The following TSHZ3 variants were observed in gnomAD, a reference collection of about 807,000 sequenced individuals.
TSHZ3 encodes teashirt homolog 3.
A neutral mutation model predicts 64.5 loss-of-function variants in TSHZ3; 10 were observed. The observed-to-expected ratio is 0.16, with a 90% CI of 0.10 to 0.26. TSHZ3 has a LOEUF of 0.26. Ranked by LOEUF, TSHZ3 falls within the 10% of genes least tolerant of loss-of-function variation. The probability of loss-of-function intolerance (pLI) is 1.00; values close to 1 mark genes in which losing one functional copy is unlikely to be tolerated. For synonymous variants in TSHZ3, 608 were observed against 593.1 expected (o/e 1.03, Z -0.36); for missense variants, 1,242 against 1,421.7 (o/e 0.87, Z 2.03).
chr19:31,312,553 G>T (rs955633275), intron 1 of TSHZ3, among the ~76,000 whole-genome samples: 5 of 152,148 alleles, frequency 3.3e-5, no homozygotes, highest in Admixed American at 3.3e-4. Flanking sequence ...CTTTAGAAAA[G>T]ACACTTTCCT....
chr19:31,330,785 G>T (rs1186597863), intron 1 of TSHZ3, among the ~76,000 whole-genome samples: 2 of 152,104 alleles, frequency 1.3e-5, no homozygotes, highest in Admixed American at 6.5e-5. Context: ...ACCCCAGACG[G>T]AGGTGTCAGG....
intron 1 of TSHZ3, among the ~76,000 whole-genome samples, chr19:31,301,331 T>A (rs1976753770): frequency 6.6e-6 from 1 of 152,174 alleles, no homozygotes; most frequent in African/African-American, 2.4e-5. Flanking sequence ...TTGGTTTTCT[T>A]CCTGTTGGTG....
chr19:31,335,492 G>A (rs1380124168), intron 1 of TSHZ3, among the ~76,000 whole-genome samples: 1 of 152,184 alleles, frequency 6.6e-6, no homozygotes, highest in Non-Finnish European at 1.5e-5. Context: ...CCCCGTTGTT[G>A]GTCTAGAACA....
At chr19:31,191,553 T>TG (rs1280855936) in intron 5 of TSHZ3, among the ~76,000 whole-genome samples, 1 of 152,146 alleles carries the variant, frequency 6.6e-6, no homozygotes, top group Non-Finnish European at 1.5e-5. Context: ...TTAGTCCACA[T>TG]GACAGAAGGA....
intron 3 of TSHZ3, among the ~76,000 whole-genome samples, chr19:31,234,728 G>T (rs991027414): frequency 6.6e-6 from 1 of 152,148 alleles, no homozygotes; most frequent in African/African-American, 2.4e-5. Context: ...ATACTGAGAT[G>T]CAGTCTTCAT....
chr19:31,298,352 G>T (rs949316350), intron 1 of TSHZ3, among the ~76,000 whole-genome samples: 1 of 152,144 alleles, frequency 6.6e-6, no homozygotes, highest in African/African-American at 2.4e-5. Flanking sequence ...ATACAGAGCA[G>T]AGGGAGGGCT....
chr19:31,295,372 C>T (rs188402543), intron 1 of TSHZ3, among the ~76,000 whole-genome samples: 9 of 152,330 alleles, frequency 5.9e-5, no homozygotes, highest in East Asian at 3.8e-4. Context: ...CTTTGATACG[C>T]TATTCACAAC....
At chr19:31,299,926 A>T (rs1976725382) in intron 1 of TSHZ3, among the ~76,000 whole-genome samples, 1 of 152,216 alleles carries the variant, frequency 6.6e-6, no homozygotes, top group Non-Finnish European at 1.5e-5. Context: ...CCTTTCCTTT[A>T]CACGCACCCT....
intron 1 of TSHZ3, among the ~76,000 whole-genome samples, chr19:31,255,565 C>T (rs1403273139): frequency 1.3e-5 from 2 of 152,084 alleles, no homozygotes; most frequent in Admixed American, 6.6e-5. Context: ...GAGCTCCCTT[C>T]CCATTCAAAG....
At chr19:31,204,219 T>TCTTCCTTCCTTCTTCAATCCCTTC (rs1975129533) in intron 5 of TSHZ3, among the ~76,000 whole-genome samples, 1 of 151,716 alleles carries the variant, frequency 6.6e-6, no homozygotes, top group Non-Finnish European at 1.5e-5. Flanking sequence ...CATCTCCCTT[T>TCTTCCTTCCTTCTTCAATCCCTTC]CTTCCTTCCT....
Position 31,214,507 on chromosome 19 carries a change from G to A in TSHZ3, n.687-9429C>T, listed in dbSNP as rs1975300350. Among the ~76,000 whole-genome samples, 2 of 152,182 alleles carry A rather than the reference G, an allele frequency of 1.3e-5. 1 individual carries two copies. On this transcript the variant is annotated intron_variant and non_coding_transcript_variant, in intron 4 of 6. Transcript: ENST00000651361. ...GATTCTTGAGTTTTATTCAGCTCAG[G>A]GAAAGACTGCATTCATACCTGGATA... is the stretch of plus-strand genomic sequence containing the variant.
At chr19:31,185,211 C>T (rs1014027283) in intron 5 of TSHZ3, among the ~76,000 whole-genome samples, 1 of 152,192 alleles carries the variant, frequency 6.6e-6, no homozygotes, top group East Asian at 1.9e-4. Flanking sequence ...TAAGCATCTC[C>T]AGACTCCTTT....
intron 1 of TSHZ3, among the ~76,000 whole-genome samples, chr19:31,343,844 G>C (rs1203590616): frequency 2.6e-5 from 4 of 151,266 alleles, no homozygotes; most frequent in Admixed American, 2.6e-4. Flanking sequence ...ATTGTTTAGT[G>C]GGATTTAAAA....
chr19:31,310,383 AT>A lies in TSHZ3; in HGVS notation c.41-30632del, dbSNP rs1278521819. Reference sequence around the variant, plus strand: ...AGGGTTTGGGGGCCATTCCACATGCATTTCCTTTTCTTTTTGGTGCAGCACC... The same window carrying A: ...AGGGTTTGGGGGCCATTCCACATGCATTCCTTTTCTTTTTGGTGCAGCACC... On this transcript the variant is annotated intron_variant, in intron 1 of 1. Coordinates refer to ENST00000240587, the MANE Select transcript of TSHZ3 (RefSeq NM_020856.4). Among the ~76,000 whole-genome samples, 8 of 152,148 alleles carry A rather than the reference AT, an allele frequency of 5.3e-5. No individual in the cohort carries two copies. In the East Asian group the frequency reaches 1.5e-3, roughly 29 times the overall value.
chr19:31,157,686 G>A (rs1271046726), intron 5 of TSHZ3, among the ~76,000 whole-genome samples: 1 of 152,210 alleles, frequency 6.6e-6, no homozygotes, highest in African/African-American at 2.4e-5. Flanking sequence ...TGGCACAGAT[G>A]GGCTGGAAGG....
chr19:31,183,228 T>TGC, intron 5 of TSHZ3, among the ~76,000 whole-genome samples: 1 of 12,574 alleles, frequency 8.0e-5, no homozygotes, highest in East Asian at 2.2e-3. Context: ...CTCTCTCTCT[T>TGC]TCTCTCTCTC....
intron 1 of TSHZ3, among the ~76,000 whole-genome samples, chr19:31,254,706 A>G (rs1428409813): frequency 6.6e-6 from 1 of 152,218 alleles, no homozygotes. Context: ...TGTGATCCAC[A>G]TGGGCTGAGT....
intron 5 of TSHZ3, among the ~76,000 whole-genome samples, chr19:31,196,009 A>G (rs1280360508): frequency 6.6e-6 from 1 of 151,984 alleles, no homozygotes; most frequent in African/African-American, 2.4e-5. Flanking sequence ...TCTAACCTAC[A>G]ATTCTGTACA....
chr19:31,250,888 T>C (rs1975830974), intron 1 of TSHZ3, among the ~76,000 whole-genome samples: 1 of 152,186 alleles, frequency 6.6e-6, no homozygotes, highest in African/African-American at 2.4e-5. Flanking sequence ...CAGTATCTCC[T>C]CGTGGGAAGA....
Sources: gnomAD v4.1 joint callset for allele counts (sites outside exome capture counted in the v4.1 genomes callset) on GRCh38, gnomAD v4.1.1 for gene constraint, MANE v1.5 for transcripts, NCBI Gene and HGNC (gene_info 2026-07-23, HGNC 2026-07-21) for gene names.